The following CNTNAP2 variants were observed in gnomAD, a reference collection of about 807,000 sequenced individuals.
CNTNAP2 encodes contactin-associated protein-like 2.
Under a neutral mutation model 155.2 loss-of-function variants are expected in CNTNAP2, and 98 were observed. That is an observed-to-expected ratio of 0.63 (90% CI 0.54 to 0.75). The LOEUF is 0.75. Among genes scored for constraint, CNTNAP2 ranks in the 30% least tolerant of loss-of-function variants. CNTNAP2 has a pLI of 0.00. For missense variants in CNTNAP2, 1,727 were observed against 1,688.1 expected (o/e 1.02, Z -0.40); for synonymous variants, 651 against 631.2 (o/e 1.03, Z -0.47).
intron 1 of CNTNAP2, among the ~76,000 whole-genome samples, chr7:146,174,792 G>A (rs1798446291): frequency 6.6e-6 from 1 of 152,048 alleles, no homozygotes; most frequent in Non-Finnish European, 1.5e-5. Context: ...GCAGTGAGCC[G>A]AGATCACTCC....
intron 3 of CNTNAP2, among the ~76,000 whole-genome samples, chr7:146,962,034 T>C (rs1007144762): frequency 1.3e-5 from 2 of 152,182 alleles, no homozygotes; most frequent in African/African-American, 4.8e-5. Context: ...GTGGTTACTT[T>C]TGTGACCTGT....
chr7:146,227,454 AAG>A (rs1352215238), intron 1 of CNTNAP2, among the ~76,000 whole-genome samples: 2 of 151,554 alleles, frequency 1.3e-5, no homozygotes, highest in African/African-American at 4.8e-5. Context: ...AAAAAAGAAA[AAG>A]AAAAAAATCT....
At chr7:147,016,148 CAT>C (rs1470606326) in intron 3 of CNTNAP2, among the ~76,000 whole-genome samples, 1 of 151,906 alleles carries the variant, frequency 6.6e-6, no homozygotes, top group Non-Finnish European at 1.5e-5. Flanking sequence ...CTTTCTGACA[CAT>C]GAGTGCTAAT....
intron 3 of CNTNAP2, among the ~76,000 whole-genome samples, chr7:146,928,967 A>G (rs545614826): frequency 6.6e-6 from 1 of 152,376 alleles, no homozygotes; most frequent in Admixed American, 6.5e-5. Flanking sequence ...CCACAGCTCA[A>G]GGAGGCCTGC....
intron 1 of CNTNAP2, among the ~76,000 whole-genome samples, chr7:146,594,433 TACACAC>T (rs4016062): frequency 7.4e-5 from 11 of 149,340 alleles, no homozygotes; most frequent in African/African-American, 2.2e-4. Flanking sequence ...TACTAGTGTT[TACACAC>T]ACACACACAC....
intron 21 of CNTNAP2, among the ~76,000 whole-genome samples, chr7:148,362,955 A>G (rs894543693): frequency 6.6e-6 from 1 of 152,108 alleles, no homozygotes; most frequent in African/African-American, 2.4e-5. Flanking sequence ...TCCCTACAGT[A>G]TTCAATAGAT....
intron 1 of CNTNAP2, among the ~76,000 whole-genome samples, chr7:146,453,014 A>C (rs1796505336): frequency 1.3e-5 from 2 of 152,228 alleles, no homozygotes; most frequent in South Asian, 4.1e-4. Flanking sequence ...CCAGGATGTC[A>C]TGCAGGTCCA....
intron 13 of CNTNAP2, among the ~76,000 whole-genome samples, chr7:147,700,956 C>T (rs1432398534): frequency 1.3e-5 from 2 of 152,164 alleles, no homozygotes; most frequent in African/African-American, 4.8e-5. Flanking sequence ...GGCAGGGGGT[C>T]TCTGTGCTGT....
intron 13 of CNTNAP2, among the ~76,000 whole-genome samples, chr7:147,658,747 C>T (rs1365006907): frequency 3.3e-5 from 5 of 152,148 alleles, no homozygotes; most frequent in African/African-American, 1.2e-4. Flanking sequence ...CCTAGGCTGC[C>T]GATGGCTATG....
chr7:146,413,820 A>G (rs1019316210), intron 1 of CNTNAP2, among the ~76,000 whole-genome samples: 3 of 152,260 alleles, frequency 2.0e-5, no homozygotes, highest in Middle Eastern at 3.4e-3. Context: ...AGCACTTTTT[A>G]CCTATATTTT....
chr7:146,730,468 C>T (rs1380287801), intron 1 of CNTNAP2, among the ~76,000 whole-genome samples: 1 of 152,196 alleles, frequency 6.6e-6, no homozygotes, highest in African/African-American at 2.4e-5. Flanking sequence ...GAGATCATGA[C>T]GTTTTATCTC....
At chr7:147,330,758 C>T (rs761483749) in intron 9 of CNTNAP2, among the ~76,000 whole-genome samples, 1 of 152,102 alleles carries the variant, frequency 6.6e-6, no homozygotes, top group African/African-American at 2.4e-5. Context: ...ACCCTGAACT[C>T]CTCATCAGGT....
At chr7:147,341,924 A>T (rs897813927) in intron 9 of CNTNAP2, among the ~76,000 whole-genome samples, 1 of 152,212 alleles carries the variant, frequency 6.6e-6, no homozygotes, top group Non-Finnish European at 1.5e-5. Flanking sequence ...GTTGCTATAC[A>T]TTGCCATAGA....
At chr7:148,280,130 G>T (rs1465799618) in intron 21 of CNTNAP2, among the ~76,000 whole-genome samples, 2 of 151,952 alleles carry the variant, frequency 1.3e-5, no homozygotes, top group Non-Finnish European at 2.9e-5. Flanking sequence ...CCAACATGGT[G>T]AAATCTGTCT....
At chr7:147,011,841 G>A (rs896388367) in intron 3 of CNTNAP2, among the ~76,000 whole-genome samples, 4 of 152,174 alleles carry the variant, frequency 2.6e-5, no homozygotes, top group African/African-American at 9.7e-5. Flanking sequence ...TCCAGAAAGT[G>A]TCCAGCACCA....
intron 11 of CNTNAP2, among the ~76,000 whole-genome samples, chr7:147,508,585 G>A (rs558711611): frequency 1.1e-4 from 16 of 152,208 alleles, no homozygotes; most frequent in East Asian, 3.9e-4. Flanking sequence ...GGTTAAATCC[G>A]GATATTCTTT....
At chr7:146,162,033 A>G (rs1180793135) in intron 1 of CNTNAP2, among the ~76,000 whole-genome samples, 2 of 152,210 alleles carry the variant, frequency 1.3e-5, no homozygotes, top group Non-Finnish European at 2.9e-5. Flanking sequence ...AAAGACTTAA[A>G]TGTTAGACCT....
chr7:146,721,318 T>C (rs1410762312), intron 1 of CNTNAP2, among the ~76,000 whole-genome samples: 2 of 127,714 alleles, frequency 1.6e-5, no homozygotes, highest in East Asian at 4.4e-4. Flanking sequence ...CTATATATAT[T>C]CTATATATAC....
intron 4 of CNTNAP2, among the ~76,000 whole-genome samples, chr7:147,086,418 ATTTATT>A (rs1800280240): frequency 6.6e-6 from 1 of 152,060 alleles, no homozygotes; most frequent in South Asian, 2.1e-4. Flanking sequence ...TTTTCATAAA[ATTTATT>A]TTTATTTTTA....
Sources: allele counts gnomAD v4.1 joint callset (sites outside exome capture counted in the v4.1 genomes callset), GRCh38; gene constraint gnomAD v4.1.1; transcripts MANE v1.5; gene names NCBI Gene and HGNC (gene_info 2026-07-23, HGNC 2026-07-21).